ARHGAP24: variants seen among roughly 807,000 people sequenced by gnomAD.
ARHGAP24 encodes rho GTPase-activating protein 24.
A neutral mutation model predicts 76.4 loss-of-function variants in ARHGAP24; 50 were observed. That is an observed-to-expected ratio of 0.65 (90% CI 0.52 to 0.83). The LOEUF is 0.83. Among genes scored for constraint, ARHGAP24 ranks in the 40% least tolerant of loss-of-function variants. ARHGAP24 has a pLI of 0.00. For missense variants in ARHGAP24, 930 were observed against 914.2 expected (o/e 1.02, Z -0.22); for synonymous variants, 345 against 323.3 (o/e 1.07, Z -0.72).
intron 1 of ARHGAP24, among the ~76,000 whole-genome samples, chr4:85,492,849 G>T (rs1036361742): frequency 6.6e-6 from 1 of 152,132 alleles, no homozygotes; most frequent in Admixed American, 6.5e-5. Flanking sequence ...ATCTGTAGTT[G>T]TTATTCAAAT....
intron 2 of ARHGAP24, among the ~76,000 whole-genome samples, chr4:85,612,896 TCA>T (rs1461307364): frequency 1.4e-5 from 2 of 142,380 alleles, no homozygotes; most frequent in East Asian, 4.9e-4. Flanking sequence ...CCTCCTGGAC[TCA>T]AGCAATTCAC....
chr4:85,977,633 G>T lies in ARHGAP24; in HGVS notation c.870G>T (p.Thr290=), dbSNP rs368030314. 6.2e-7 allele frequency: 1 copy of T among 1,613,834 alleles called. No homozygotes were observed. The highest frequency in any genetic ancestry group is 2.2e-5 in the East Asian group (1 of 44,846). Residue 290 remains threonine, a synonymous_variant, in exon 8 of 10, where the codon ACG becomes ACT. Transcript: ENST00000395184. ...VNKMSVQNLA[T]VFGPNILRPK... ...AAATGAGTGTGCAGAACTTGGCAAC[G>T]GTCTTTGGTCCTAATATCCTGCGCC...
intron 3 of ARHGAP24, among the ~76,000 whole-genome samples, chr4:85,796,430 C>T (rs1346888782): frequency 6.6e-6 from 1 of 152,104 alleles, no homozygotes; most frequent in Admixed American, 6.5e-5. Context: ...TGTATCAGAA[C>T]TTTTCTAGTT....
chr4:85,866,745 A>C (rs1732221356), intron 3 of ARHGAP24, among the ~76,000 whole-genome samples: 1 of 152,034 alleles, frequency 6.6e-6, no homozygotes, highest in Non-Finnish European at 1.5e-5. Context: ...CTTTTGGTGG[A>C]TTGGCCATGG....
intron 3 of ARHGAP24, among the ~76,000 whole-genome samples, chr4:85,758,230 G>A (rs973957202): frequency 5.9e-5 from 9 of 152,168 alleles, no homozygotes; most frequent in Admixed American, 3.3e-4. Flanking sequence ...GCCAAGGAAC[G>A]TATCAGTTAT....
intron 2 of ARHGAP24, among the ~76,000 whole-genome samples, chr4:85,682,733 T>A (rs1391069060): frequency 1.3e-5 from 2 of 152,200 alleles, no homozygotes; most frequent in East Asian, 3.9e-4. Flanking sequence ...GCTCCTCCTC[T>A]TGACAGACAC....
At chr4:85,686,956 TA>T (rs1192813855) in intron 2 of ARHGAP24, among the ~76,000 whole-genome samples, 2 of 152,116 alleles carry the variant, frequency 1.3e-5, no homozygotes, top group Non-Finnish European at 2.9e-5. Flanking sequence ...GTAGTAATCT[TA>T]CCATTAACTT....
At chr4:85,957,622 CTT>C (rs769540869) in intron 5 of ARHGAP24, among the ~76,000 whole-genome samples, 5 of 152,208 alleles carry the variant, frequency 3.3e-5, no homozygotes, top group Non-Finnish European at 5.9e-5. Flanking sequence ...ATAACCCACA[CTT>C]TGGGAAATAC....
intron 2 of ARHGAP24, among the ~76,000 whole-genome samples, chr4:85,618,009 T>A (rs752881650): frequency 6.6e-6 from 1 of 152,192 alleles, no homozygotes; most frequent in Non-Finnish European, 1.5e-5. Context: ...TAAGAACATT[T>A]AAGATCTCCT....
chr4:85,857,111 C>T (rs1028253127), intron 3 of ARHGAP24, among the ~76,000 whole-genome samples: 1 of 152,068 alleles, frequency 6.6e-6, no homozygotes, highest in Non-Finnish European at 1.5e-5. Context: ...CAATATTCAA[C>T]AAGAATTTAT....
chr4:85,934,875 AG>A (rs373363728), intron 4 of ARHGAP24, among the ~76,000 whole-genome samples: 43 of 152,314 alleles, frequency 2.8e-4, no homozygotes, highest in African/African-American at 9.1e-4. Flanking sequence ...AGCCACCTTG[AG>A]GTGCTTTATA....
chr4:85,996,593 G>C (rs539252069), intron 9 of ARHGAP24, among the ~76,000 whole-genome samples: 2 of 152,152 alleles, frequency 1.3e-5, no homozygotes, highest in South Asian at 4.1e-4. Flanking sequence ...CAGAAGCTAT[G>C]GCAAAATAAA....
chr4:85,630,557 T>C (rs1721125834), intron 2 of ARHGAP24, among the ~76,000 whole-genome samples: 1 of 152,152 alleles, frequency 6.6e-6, no homozygotes, highest in African/African-American at 2.4e-5. Flanking sequence ...TGTTGGGGTC[T>C]GTGAAGGGCT....
At chr4:85,742,048 C>CT (rs1284340805) in intron 3 of ARHGAP24, among the ~76,000 whole-genome samples, 9 of 152,140 alleles carry the variant, frequency 5.9e-5, no homozygotes, top group Non-Finnish European at 1.5e-5. Flanking sequence ...GGCAGGTTGA[C>CT]TGGGATAGAC....
chr4:85,910,643 C>T (rs1029794370), intron 3 of ARHGAP24, among the ~76,000 whole-genome samples: 1 of 152,206 alleles, frequency 6.6e-6, no homozygotes, highest in African/African-American at 2.4e-5. Context: ...TGCAGCTGTT[C>T]GCCCTACAAC....
At chr4:85,777,683 A>G (rs1443532160) in intron 3 of ARHGAP24, among the ~76,000 whole-genome samples, 1 of 152,178 alleles carries the variant, frequency 6.6e-6, no homozygotes, top group Non-Finnish European at 1.5e-5. Context: ...AAAATTCCCT[A>G]CTTTTCTAAG....
intron 2 of ARHGAP24, among the ~76,000 whole-genome samples, chr4:85,582,955 C>A (rs1420146371): frequency 6.6e-6 from 1 of 152,054 alleles, no homozygotes; most frequent in Non-Finnish European, 1.5e-5. Flanking sequence ...CCTGTTGTTT[C>A]CTTTAATATT....
At chr4:85,745,274 A>G (rs1725983210) in intron 3 of ARHGAP24, among the ~76,000 whole-genome samples, 1 of 144,744 alleles carries the variant, frequency 6.9e-6, no homozygotes, top group Non-Finnish European at 1.5e-5. Context: ...GACCCCAGTA[A>G]CTACTAATAT....
intron 3 of ARHGAP24, among the ~76,000 whole-genome samples, chr4:85,900,929 G>A (rs1734458309): frequency 1.3e-5 from 2 of 152,136 alleles, no homozygotes; most frequent in Admixed American, 1.3e-4. Context: ...CTGATATAAC[G>A]TCATGGCCAC....
Sources: allele counts gnomAD v4.1 joint callset (sites outside exome capture counted in the v4.1 genomes callset), GRCh38; gene constraint gnomAD v4.1.1; transcripts MANE v1.5; gene names NCBI Gene and HGNC (gene_info 2026-07-23, HGNC 2026-07-21).